Variants in CDC14B observed in about 807,000 individuals in gnomAD.
CDC14B encodes the protein cell division cycle 14B.
CDC14B carries 22 observed loss-of-function variants against 64.2 expected under a neutral mutation model. The observed-to-expected ratio is 0.34, with a 90% CI of 0.24 to 0.49. The LOEUF (loss-of-function observed/expected upper bound fraction) is 0.49. Among genes scored for constraint, CDC14B ranks in the 20% least tolerant of loss-of-function variants. CDC14B has a pLI of 0.99. For missense variants in CDC14B, 498 were observed against 629.9 expected, an observed-to-expected ratio of 0.79 and a Z score of 2.24; for synonymous variants, 191 against 215.8, an observed-to-expected ratio of 0.89 and a Z score of 1.01.
At chr9:96,607,930 C>T (rs1763189860) in intron 1 of CDC14B, among the ~76,000 whole-genome samples, 2 of 152,176 alleles carry the variant, frequency 1.3e-5, no homozygotes, top group Admixed American at 1.3e-4. Context: ...CAGAACAGTT[C>T]CTGCTGGTTC....
intron 1 of CDC14B, among the ~76,000 whole-genome samples, chr9:96,569,807 T>C (rs889964063): frequency 1.1e-4 from 16 of 152,018 alleles, no homozygotes; most frequent in African/African-American, 3.9e-4. Flanking sequence ...AGTAAAGATG[T>C]CAAACTCCTG....
chr9:96,549,964 T>G (rs1322049853), intron 5 of CDC14B, among the ~76,000 whole-genome samples: 5 of 152,236 alleles, frequency 3.3e-5, no homozygotes, highest in African/African-American at 1.2e-4. Context: ...CATTGCACAG[T>G]GCGAAATGTG....
chr9:96,556,939 TG>T (rs1178215998), intron 4 of CDC14B, among the ~76,000 whole-genome samples: 2 of 152,202 alleles, frequency 1.3e-5, no homozygotes, highest in Non-Finnish European at 2.9e-5. Context: ...CCTGCTCCTC[TG>T]GCCGTATTTA....
chr9:96,578,156 A>T (rs1844919346), intron 1 of CDC14B, among the ~76,000 whole-genome samples: 1 of 152,244 alleles, frequency 6.6e-6, no homozygotes, highest in Non-Finnish European at 1.5e-5. Flanking sequence ...AATTTGAGCA[A>T]CAACGTAAGT....
At position 96,533,328 on chromosome 9, in the gene CDC14B, A is replaced by C. The variant is rs139987732; in HGVS notation, c.946+599T>G. ...TTCCTGTTTCTTTGTATGCCATGTA[A>C]TTTTTCAATAAAAACTGAAATGTGA... On this transcript the variant is annotated intron_variant, in intron 9 of 13. Transcript: ENST00000375241. Among the ~76,000 whole-genome samples the C allele has an allele frequency of 5.3e-5, 8 of 152,248 alleles. No homozygotes were observed. In the East Asian group the frequency reaches 1.5e-3, roughly 29 times the overall value.
chr9:96,491,921 C>T (rs923824654), exon 14 of CDC14B: 1 of 152,228 alleles, frequency 6.6e-6, no homozygotes, highest in Admixed American at 6.5e-5. Flanking sequence ...TTGTTTGCAC[C>T]CTTTCTGGAT....
chr9:96,596,737 T>C (rs772411820), intron 1 of CDC14B, among the ~76,000 whole-genome samples: 3 of 151,996 alleles, frequency 2.0e-5, no homozygotes, highest in Non-Finnish European at 4.4e-5. Context: ...GGCATGTGCC[T>C]GTAGTCCCAG....
intron 13 of CDC14B, among the ~76,000 whole-genome samples, chr9:96,505,467 G>A (rs971755879): frequency 2.0e-5 from 3 of 152,350 alleles, no homozygotes; most frequent in South Asian, 2.1e-4. Flanking sequence ...GAAGGGCTGC[G>A]TGAAGACATG....
intron 1 of CDC14B, among the ~76,000 whole-genome samples, chr9:96,588,937 T>G (rs920462286): frequency 6.6e-6 from 1 of 152,230 alleles, no homozygotes; most frequent in Non-Finnish European, 1.5e-5. Flanking sequence ...GATTTAAATT[T>G]TGTAGTATCA....
chr9:96,612,990 T>C (rs1463679044), intron 1 of CDC14B, among the ~76,000 whole-genome samples: 2 of 152,234 alleles, frequency 1.3e-5, no homozygotes, highest in African/African-American at 4.8e-5. Flanking sequence ...ATTATTCATC[T>C]CCTAGCCTAA....
chr9:96,494,940 T>C (rs1250723505), intron 13 of CDC14B, among the ~76,000 whole-genome samples: 3 of 150,142 alleles, frequency 2.0e-5, no homozygotes, highest in East Asian at 4.0e-4. Context: ...GTTCATGCCA[T>C]TCTCCTGCCT....
intron 1 of CDC14B, among the ~76,000 whole-genome samples, chr9:96,566,091 T>C (rs747426466): frequency 3.9e-5 from 6 of 152,144 alleles, no homozygotes; most frequent in Non-Finnish European, 7.3e-5. Context: ...GCATGATGGG[T>C]CTGAGATGAA....
intron 5 of CDC14B, 70 bp from the exon 6 acceptor site, chr9:96,541,962 G>T: frequency 9.7e-7 from 1 of 1,033,184 alleles, no homozygotes; most frequent in Non-Finnish European, 1.5e-6. Flanking sequence ...AGACAAAGGT[G>T]ACTAGAATTT....
At chr9:96,558,504 C>T (rs1216559295) in intron 4 of CDC14B, among the ~76,000 whole-genome samples, 1 of 152,176 alleles carries the variant, frequency 6.6e-6, no homozygotes, top group Non-Finnish European at 1.5e-5. Context: ...TGTGCATATA[C>T]ACACACGTGC....
intron 1 of CDC14B, among the ~76,000 whole-genome samples, chr9:96,613,499 A>T (rs1277256719): frequency 6.6e-6 from 1 of 152,236 alleles, no homozygotes; most frequent in Non-Finnish European, 1.5e-5. Flanking sequence ...AAGGAGTGAC[A>T]TTTGAAACTG....
At chr9:96,518,227 A>G (rs920658529) in intron 12 of CDC14B, among the ~76,000 whole-genome samples, 1 of 152,160 alleles carries the variant, frequency 6.6e-6, no homozygotes, top group Non-Finnish European at 1.5e-5. Context: ...ATTAAAAATT[A>G]CATGTCAGGC....
At chr9:96,496,810 G>A (rs1367150394), downstream of CDC14B, among the ~76,000 whole-genome samples, 1 of 152,140 alleles carries the variant, frequency 6.6e-6, no homozygotes, top group Admixed American at 6.5e-5. Context: ...CCGCCGGCCC[G>A]AGAGCACCGA....
At chr9:96,575,534 G>A (rs1844750279) in intron 1 of CDC14B, among the ~76,000 whole-genome samples, 1 of 152,156 alleles carries the variant, frequency 6.6e-6, no homozygotes, top group African/African-American at 2.4e-5. Flanking sequence ...TACAGCAAGA[G>A]AGAAAATGAC....
intron 1 of CDC14B, among the ~76,000 whole-genome samples, chr9:96,582,004 G>T (rs1176880427): frequency 6.6e-6 from 1 of 152,162 alleles, no homozygotes; most frequent in Non-Finnish European, 1.5e-5. Context: ...CTGACTCCCA[G>T]TGCGCTTCAT....
Sources: allele counts gnomAD v4.1 joint callset (sites outside exome capture counted in the v4.1 genomes callset), GRCh38; gene constraint gnomAD v4.1.1; transcripts MANE v1.5; gene names NCBI Gene and HGNC (gene_info 2026-07-23, HGNC 2026-07-21).